Variants in SLFN13 observed in about 807,000 individuals in gnomAD.
SLFN13 encodes schlafen family member 13, also known as schlafen-13.
Under a neutral mutation model 50.6 loss-of-function variants are expected in SLFN13, and 43 were observed. The ratio of observed to expected loss-of-function variants is 0.85; its 90% CI spans 0.67 to 1.09. The LOEUF (loss-of-function observed/expected upper bound fraction) is 1.09, where lower values mean the gene tolerates loss of function less well. Ranked by LOEUF, SLFN13 falls within the 50% of genes least tolerant of loss-of-function variation. The pLI is 0.00. For synonymous variants in SLFN13, 339 were observed against 386.5 expected (o/e 0.88, Z 1.44); for missense variants, 881 against 1,071.1 (o/e 0.82, Z 2.48).
Position 35,441,047 on chromosome 17 carries a change from T to C in SLFN13, c.2242A>G (p.Ile748Val). The change falls in exon 6 of 6, where the codon ATT becomes GTT. Residue 748 changes from isoleucine to valine, a missense_variant. Physicochemically the swap from Ile to Val is conservative, Grantham distance 29. Around this residue, in one of 5 missense-constraint regions of SLFN13, gnomAD observed 322 missense variants for 327.4 expected, o/e 0.98. Transcript: ENST00000285013. ...AEYIQQEMQL[I>V]IENPPINIPH... ...ATATTAATTGGAGGATTTTCTATAATTAGTTGCATTTCTTGTTGTATGTAC... is the reference window on the plus strand; with the variant it reads ...ATATTAATTGGAGGATTTTCTATAACTAGTTGCATTTCTTGTTGTATGTAC... The C allele has an allele frequency of 6.2e-7, 1 of 1,613,612 alleles. No homozygotes were observed. Among genetic ancestry groups the C allele is most frequent in the Middle Eastern group, 1.6e-4 (1 of 6,062 alleles).
chr17:35,441,044 T>C lies in SLFN13; in HGVS notation c.2245A>G (p.Ile749Val), dbSNP rs1912842941. The change falls in exon 6 of 6, where the codon ATA (isoleucine) becomes GTA (valine). Residue 749 changes from isoleucine to valine, a missense_variant. Coordinates refer to ENST00000285013, the MANE Select transcript of SLFN13 (RefSeq NM_144682.6). ...GGGATATTAATTGGAGGATTTTCTA[T>C]AATTAGTTGCATTTCTTGTTGTATG... The part of the protein sequence containing the change: ...EYIQQEMQLI[I>V]ENPPINIPHG... 2 of 1,613,454 alleles carry C rather than the reference T, an allele frequency of 1.2e-6. No homozygotes were observed. The highest frequency in any genetic ancestry group is 2.7e-5 in the African/African-American group (2 of 74,932).
rs151272058 is a variant in SLFN13 at position 35,448,526 on chromosome 17, G to T, written c.-161+196C>A. ...AGGGAATTTGCTCAGCAAACTAGCC[G>T]AACCCCAAAGGCAGGGGAGAAGCAC... On this transcript the variant is annotated intron_variant, in intron 1 of 5. Transcript: ENST00000285013. Among the ~76,000 whole-genome samples the T allele has an allele frequency of 2.9e-3, 445 of 152,314 alleles. 4 individuals carry two copies. The highest frequency in any genetic ancestry group is 0.01 in the African/African-American group (427 of 41,584).
Position 35,437,656 on chromosome 17 carries a change from G to A in SLFN13, c.*2939C>T, listed in dbSNP as rs544277180. 1 of 152,064 alleles carries A rather than the reference G, an allele frequency of 6.6e-6. No homozygotes were observed. Among genetic ancestry groups the A allele is most frequent in the Admixed American group, 6.5e-5 (1 of 15,272 alleles). The allele number at this position is 152,064 out of a possible 1,614,324, so 9.4% of individuals were successfully genotyped here. On this transcript the variant is annotated 3_prime_UTR_variant, in exon 6 of 6. Coordinates refer to ENST00000285013, the MANE Select transcript of SLFN13 (RefSeq NM_144682.6). ...GGTACAGCACTCCATAGCAAGAAGT[G>A]GCAGGAGACTACAAGGACAGATCTG...
rs1912624985 is a variant in SLFN13 at position 35,435,521 on chromosome 17, T to G, written c.*5074A>C. The G allele has an allele frequency of 6.6e-6, 1 of 152,116 alleles. No homozygotes were observed. Among genetic ancestry groups the G allele is most frequent in the Non-Finnish European group, 1.5e-5 (1 of 68,016 alleles). The allele number at this position is 152,116 out of a possible 1,614,324, so 9.4% of individuals were successfully genotyped here. On this transcript the variant is annotated 3_prime_UTR_variant, in exon 6 of 6. Transcript: ENST00000285013. ...CTTGTCTCTAACCCCTGGGCTCAAG[T>G]GATTCTCCTGCCTTGGCCTCTGGAA...
upstream of SLFN13, among the ~76,000 whole-genome samples, chr17:35,449,029 T>A (rs1913372865): frequency 6.9e-6 from 1 of 144,128 alleles, no homozygotes; most frequent in African/African-American, 2.6e-5. Flanking sequence ...GACAGCACAG[T>A]GGGACCCCCG....
chr17:35,443,496 A>G (rs1487869880), intron 4 of SLFN13, among the ~76,000 whole-genome samples: 4 of 152,176 alleles, frequency 2.6e-5, no homozygotes, highest in South Asian at 2.1e-4. Context: ...AGCTTGCCCA[A>G]ATGCATATGG....
rs1965632953 is a variant in SLFN13, at chr17:35,437,642, C to T, written c.*2953G>A. 6.6e-6 allele frequency: 1 copy of T among 151,960 alleles called. No homozygotes were observed. The highest frequency in any genetic ancestry group is 6.6e-5 in the Admixed American group (1 of 15,250). 9.4% of individuals were successfully genotyped at this position (151,960 alleles called of 1,614,324 possible). ...CTAGCAGAGACCTTGGTACAGCACTCCATAGCAAGAAGTGGCAGGAGACTA... is the reference window on the plus strand; with the variant it reads ...CTAGCAGAGACCTTGGTACAGCACTTCATAGCAAGAAGTGGCAGGAGACTA... On this transcript the variant is annotated 3_prime_UTR_variant, in exon 6 of 6. Coordinates refer to ENST00000285013, the MANE Select transcript of SLFN13 (RefSeq NM_144682.6).
Position 35,436,695 on chromosome 17 carries a change from A to C in SLFN13, c.*3900T>G, listed in dbSNP as rs1322343875. On this transcript the variant is annotated 3_prime_UTR_variant, in exon 6 of 6. Transcript: ENST00000285013. ...GCCAAAAATGCATAACCTGAATCTA[A>C]TCATGAGAACACATGAAATGACCCA... 2 of 152,170 alleles carry C rather than the reference A, an allele frequency of 1.3e-5. No homozygotes were observed. The highest frequency in any genetic ancestry group is 6.5e-5 in the Admixed American group (1 of 15,268). 9.4% of individuals were successfully genotyped at this position (152,170 alleles called of 1,614,324 possible).
chr17:35,436,922 A>G lies in SLFN13; in HGVS notation c.*3673T>C, dbSNP rs1434141301. On this transcript the variant is annotated 3_prime_UTR_variant, in exon 6 of 6. Coordinates refer to ENST00000285013, the MANE Select transcript of SLFN13 (RefSeq NM_144682.6). The stretch of plus-strand genomic sequence containing the variant: ...TAAAGACACTTGAGGCACAACTGAT[A>G]TAATTCAATAAAGTCTACAGATTAG... The G allele has an allele frequency of 1.3e-5, 2 of 152,186 alleles. No individual in the cohort carries two copies. Among genetic ancestry groups the G allele is most frequent in the Non-Finnish European group, 1.5e-5 (1 of 68,034 alleles). The allele number at this position is 152,186 out of a possible 1,614,324, so 9.4% of individuals were successfully genotyped here.
chr17:35,439,517 G>C lies in SLFN13; in HGVS notation c.*1078C>G, dbSNP rs1490463158. On this transcript the variant is annotated 3_prime_UTR_variant, in exon 6 of 6. Transcript: ENST00000285013. The stretch of plus-strand genomic sequence containing the variant: ...CTTTTTGAGACAGTCTCACTCTGTT[G>C]CCCAGGCTGGAGTACAGTGACATGA... 6.6e-6 allele frequency: 1 copy of C among 151,982 alleles called. No individual in the cohort carries two copies. Among genetic ancestry groups the C allele is most frequent in the African/African-American group, 2.4e-5 (1 of 41,356 alleles). The allele number at this position is 151,982 out of a possible 1,614,324, so 9.4% of individuals were successfully genotyped here.
Position 35,440,569 on chromosome 17 carries a change from G to T in SLFN13, c.*26C>A, listed in dbSNP as rs758595226. The T allele has an allele frequency of 6.2e-7, 1 of 1,611,312 alleles. No homozygotes were observed. The highest frequency in any genetic ancestry group is 2.2e-5 in the East Asian group (1 of 44,852). ...CCATAGACATTTACACAGTATTTTG[G>T]TTTGGAGTTCTTCCTAATAGTCACT... On this transcript the variant is annotated 3_prime_UTR_variant, in exon 6 of 6. Transcript: ENST00000285013.
chr17:35,448,587 G>A (rs1567866429), intron 1 of SLFN13, 135 bp downstream of exon 1: 1 of 152,538 alleles, frequency 6.6e-6, no homozygotes, highest in African/African-American at 2.4e-5. Flanking sequence ...GCCGGAGCTG[G>A]GGGGCGGGGG....
At position 35,445,240 on chromosome 17, in the gene SLFN13, T is replaced by C. The variant is rs144194385; in HGVS notation, c.441A>G (p.Ser147=). 42 of 1,613,894 alleles carry C rather than the reference T, an allele frequency of 2.6e-5. No individual in the cohort carries two copies. The highest frequency in any genetic ancestry group is 3.2e-5 in the Non-Finnish European group (38 of 1,180,026). The part of the protein sequence containing the change: ...RSGTSVLHMN[S]RQAFDFLKTK... ...TCTTCAGGAAATCGAATGCCTGTCTTGAATTCATGTGAAGCACAGAGGTGC... is the reference window on the plus strand; with the variant it reads ...TCTTCAGGAAATCGAATGCCTGTCTCGAATTCATGTGAAGCACAGAGGTGC... Residue 147 remains serine (S), a synonymous_variant, in exon 3 of 6, where the codon TCA becomes TCG. Transcript: ENST00000285013.
At chr17:35,447,106 T>A (rs1168579125) in intron 2 of SLFN13, 162 bp downstream of exon 2, 1 of 152,196 alleles carries the variant, frequency 6.6e-6, no homozygotes, top group Non-Finnish European at 1.5e-5. Flanking sequence ...GGGAGCTCTA[T>A]CCCAGCTCTT....
chr17:35,441,648 T>C lies in SLFN13; in HGVS notation c.1837A>G (p.Met613Val). Residue 613 changes from methionine (M) to valine (V), a missense_variant, in exon 5 of 6, where the codon ATG becomes GTG. Transcript: ENST00000285013. ...SGKTIMAMKI[M>V]EKIRNVFHCE... is the part of the protein sequence containing the mutation. The stretch of plus-strand genomic sequence containing the variant: ...TGAAACACATTCCTGATCTTCTCCA[T>C]GATCTTCATGGCCATGATGGTCTTC... 6.2e-7 allele frequency: 1 copy of C among 1,606,468 alleles called. No homozygotes were observed.
rs775320733 is a variant in SLFN13 at position 35,440,995 on chromosome 17, C to T, written c.2294G>A (p.Ser765Asn). ...AACACCTGGAACCCATTTAGCTTCA[C>T]TGAGAATTGCCAGATACCCATGGGG... is the stretch of plus-strand genomic sequence containing the variant. ...NIPHGYLAILSEAKWVPGVPG... is the reference protein window; with the variant it reads ...NIPHGYLAILNEAKWVPGVPG... The change falls in exon 6 of 6, where the codon AGT (serine) becomes AAT (asparagine). Residue 765 changes from serine to asparagine, a missense_variant. Transcript: ENST00000285013. 1.2e-6 allele frequency: 2 copies of T among 1,612,666 alleles called. No individual in the cohort carries two copies. The highest frequency in any genetic ancestry group is 3.3e-5 in the Admixed American group (2 of 60,008).
rs1223599970 is a variant in SLFN13, at chr17:35,445,622, T to C, written c.59A>G (p.Asp20Gly). 1 of 1,614,176 alleles carries C rather than the reference T, an allele frequency of 6.2e-7. No individual in the cohort carries two copies. Among genetic ancestry groups the C allele is most frequent in the Admixed American group, 1.7e-5 (1 of 60,026 alleles). The change falls in exon 3 of 6, where the codon GAT becomes GGT. Residue 20 changes from aspartate to glycine, a missense_variant. By Grantham distance (94) the Asp-to-Gly change is moderately conservative. This residue lies in a region of SLFN13 where 497 missense variants were observed against 518.3 expected (regional missense o/e 0.96). Transcript: ENST00000285013. ...VYPSYPDLVI[D>G]VGEVTLGEEN... ...TTCTCCCAGAGTCACTTCTCCGACATCGATGACCAGGTCTGGGTAAGATGG... is the reference window on the plus strand; with the variant it reads ...TTCTCCCAGAGTCACTTCTCCGACACCGATGACCAGGTCTGGGTAAGATGG...
rs1912796165 is a variant in SLFN13 at position 35,440,466 on chromosome 17, CTT to C, written c.*127_*128del. 8.5e-7 allele frequency: 1 copy of C among 1,176,574 alleles called. No individual in the cohort carries two copies. Among genetic ancestry groups the C allele is most frequent in the African/African-American group, 1.5e-5 (1 of 64,714 alleles). 72.9% of individuals were successfully genotyped at this position (1,176,574 alleles called of 1,614,324 possible). ...GCCAGAAATGGGGGAGCTCCAAACT[CTT>C]TGTGTCAGCTCTGTCCAAATCTCTA... is the stretch of plus-strand genomic sequence containing the variant. On this transcript the variant is annotated 3_prime_UTR_variant, in exon 6 of 6. Coordinates refer to ENST00000285013, the MANE Select transcript of SLFN13 (RefSeq NM_144682.6).
intron 4 of SLFN13, among the ~76,000 whole-genome samples, 188 bp from the exon 5 acceptor site, chr17:35,442,474 C>T (rs1289324026): frequency 6.6e-6 from 1 of 152,192 alleles, no homozygotes; most frequent in African/African-American, 2.4e-5. Flanking sequence ...GACGGAGTCT[C>T]GCTCTGTCGC....
Sources: gnomAD v4.1 joint callset for allele counts (sites outside exome capture counted in the v4.1 genomes callset) on GRCh38, gnomAD v4.1.1 for gene constraint, gnomAD v4.1.1 regional missense constraint, MANE v1.5 for transcripts, NCBI Gene and HGNC (gene_info 2026-07-23, HGNC 2026-07-21) for gene names.